The following TMEM236 variants were observed in gnomAD, a reference collection of about 807,000 sequenced individuals.
TMEM236 encodes the protein transmembrane protein 236, also known as family with sequence similarity 23, member A.
A neutral mutation model predicts 14.7 loss-of-function variants in TMEM236; 11 were observed. The ratio of observed to expected loss-of-function variants is 0.75; its 90% CI spans 0.47 to 1.24. TMEM236 has a LOEUF of 1.24. Among genes scored for constraint, TMEM236 ranks in the 50% most tolerant of loss-of-function variants. TMEM236 has a pLI of 0.00. For missense variants in TMEM236, 464 were observed against 427.3 expected (o/e 1.09, Z -0.76); for synonymous variants, 182 against 168.6 (o/e 1.08, Z -0.62).
At position 17,798,512 on chromosome 10, in the gene TMEM236, C is replaced by A; in HGVS notation, c.*2008C>A. On this transcript the variant is annotated 3_prime_UTR_variant, in exon 4 of 4. Coordinates refer to ENST00000377495, the MANE Select transcript of TMEM236 (RefSeq NM_001098844.3). ...TATGATCATGCCACTGCACTCCAGA[C>A]TGGGCAACAGAGTGACACCCATCTA... is the stretch of plus-strand genomic sequence containing the variant. The A allele has an allele frequency of 3.8e-6, 2 of 530,622 alleles. No homozygotes were observed. The highest frequency in any genetic ancestry group is 2.8e-5 in the South Asian group (2 of 70,876). 32.9% of individuals were successfully genotyped at this position (530,622 alleles called of 1,614,324 possible). A position where few individuals can be genotyped will look rare whatever the true frequency, so the allele number is the denominator to read the frequency against.
At position 17,796,752 on chromosome 10, in the gene TMEM236, TTTAG is replaced by T. The variant is rs1224848239; in HGVS notation, c.*256_*259del. The T allele has an allele frequency of 3.9e-6, 2 of 508,214 alleles. No individual in the cohort carries two copies. The highest frequency in any genetic ancestry group is 6.8e-5 in the Admixed American group (2 of 29,394). The allele number at this position is 508,214 out of a possible 1,614,324, so 31.5% of individuals were successfully genotyped here. A position where few individuals can be genotyped will look rare whatever the true frequency, so the allele number is the denominator to read the frequency against. Reference sequence around the variant, plus strand: ...TTTCTAGAAAATGTTAGCAGCTAATTTTAGTTAGTTATGTATACTGAGGTCCCCA... The same window carrying T: ...TTTCTAGAAAATGTTAGCAGCTAATTTTAGTTATGTATACTGAGGTCCCCA... On this transcript the variant is annotated 3_prime_UTR_variant, in exon 4 of 4. Transcript: ENST00000377495.
At position 17,796,423 on chromosome 10, in the gene TMEM236, C is replaced by G; in HGVS notation, c.975C>G (p.Ile325Met). 1 of 1,613,822 alleles carries G rather than the reference C, an allele frequency of 6.2e-7. No homozygotes were observed. The highest frequency in any genetic ancestry group is 8.5e-7 in the Non-Finnish European group (1 of 1,179,848). ...CCGTACTGGGCCTGTGTAAAAATATCCTCGTGACTCTCTCTTACATTTACT... is the reference window on the plus strand; with the variant it reads ...CCGTACTGGGCCTGTGTAAAAATATGCTCGTGACTCTCTCTTACATTTACT... ...ITPVLGLCKN[I>M]LVTLSYIYFN... The change falls in exon 4 of 4, where the codon ATC becomes ATG. Residue 325 changes from isoleucine (I) to methionine (M), a missense_variant. By Grantham distance (10) the Ile-to-Met change is conservative (BLOSUM62 1). Coordinates refer to ENST00000377495, the MANE Select transcript of TMEM236 (RefSeq NM_001098844.3).
intron 3 of TMEM236, among the ~76,000 whole-genome samples, chr10:17,783,746 A>G (rs1296271365): frequency 1.3e-5 from 2 of 152,192 alleles, no homozygotes; most frequent in Non-Finnish European, 2.9e-5. Flanking sequence ...TAACCTTACA[A>G]CCTTGCAACA....
intron 3 of TMEM236, among the ~76,000 whole-genome samples, chr10:17,780,816 C>A (rs917586668): frequency 0.019 from 2,924 of 152,266 alleles, 84 homozygotes; most frequent in African/African-American, 0.067. Flanking sequence ...GCAGCTCTCT[C>A]TCTTTCGAGA....
chr10:17,788,607 A>AAAGTT (rs1196185961), intron 3 of TMEM236, among the ~76,000 whole-genome samples: 1 of 151,940 alleles, frequency 6.6e-6, no homozygotes, highest in African/African-American at 2.4e-5. Context: ...AAAGAAAAAA[A>AAAGTT]AAAAGTTAAA....
chr10:17,791,604 TC>T (rs1346862626), intron 3 of TMEM236, among the ~76,000 whole-genome samples: 3 of 152,174 alleles, frequency 2.0e-5, no homozygotes, highest in African/African-American at 7.2e-5. Context: ...CCTCTCTGCA[TC>T]CCCCACCTCT....
chr10:17,771,412 G>A (rs1290444208), intron 2 of TMEM236, 31 bp downstream of exon 2: 1 of 1,592,822 alleles, frequency 6.3e-7, no homozygotes, highest in Non-Finnish European at 8.6e-7. Flanking sequence ...TCTGCTACAA[G>A]ATTATGAGAT....
At chr10:17,783,948 CT>C (rs1229256462) in intron 3 of TMEM236, among the ~76,000 whole-genome samples, 12 of 150,748 alleles carry the variant, frequency 8.0e-5, no homozygotes, top group African/African-American at 1.9e-4. Context: ...CTTCTACTTC[CT>C]TTTTTTTTCC....
intron 1 of TMEM236, among the ~76,000 whole-genome samples, chr10:17,758,051 AAGCCACCAGGTGC>A (rs1256438315): frequency 2.0e-5 from 3 of 152,134 alleles, no homozygotes; most frequent in Admixed American, 1.3e-4. Context: ...TTACAGGCGT[AAGCCACCAGGTGC>A]AGCCAGAAAA....
chr10:17,768,959 C>G (rs1297662188), intron 1 of TMEM236, among the ~76,000 whole-genome samples: 1 of 152,056 alleles, frequency 6.6e-6, no homozygotes, highest in South Asian at 2.1e-4. Context: ...GGGTACAGTT[C>G]GGTGGCATTA....
chr10:17,792,448 T>C (rs1326169531), intron 3 of TMEM236, among the ~76,000 whole-genome samples: 1 of 152,256 alleles, frequency 6.6e-6, no homozygotes, highest in Non-Finnish European at 1.5e-5. Context: ...ATGAACACTC[T>C]AGAAAATGCC....
In TMEM236 at chr10:17,798,155, A is replaced by G; in HGVS notation, c.*1651A>G. On this transcript the variant is annotated 3_prime_UTR_variant, in exon 4 of 4. Transcript: ENST00000377495. ...AGATTTGTGAGAGGCTGATAATGCA[A>G]GAGTAATGATTTATGTAGCCAGTTT... is the stretch of plus-strand genomic sequence containing the variant. 5.1e-6 allele frequency: 1 copy of G among 195,080 alleles called. No homozygotes were observed. The highest frequency in any genetic ancestry group is 1.1e-5 in the Non-Finnish European group (1 of 94,368). 12.1% of individuals were successfully genotyped at this position (195,080 alleles called of 1,614,324 possible).
intron 3 of TMEM236, among the ~76,000 whole-genome samples, chr10:17,795,599 C>G (rs1367330480): frequency 6.6e-6 from 1 of 152,088 alleles, no homozygotes; most frequent in Non-Finnish European, 1.5e-5. Context: ...TCTTGAAATT[C>G]CATGGGTAAA....
At chr10:17,769,722 G>A (rs1371100581) in intron 1 of TMEM236, among the ~76,000 whole-genome samples, 1 of 152,116 alleles carries the variant, frequency 6.6e-6, no homozygotes, top group Non-Finnish European at 1.5e-5. Context: ...ATGAGAGAGG[G>A]GTAATCTCAT....
chr10:17,767,212 C>T (rs2131745991), intron 1 of TMEM236, among the ~76,000 whole-genome samples: 1 of 152,264 alleles, frequency 6.6e-6, no homozygotes, highest in South Asian at 2.1e-4. Context: ...CCTGTAATCC[C>T]AGCACTTTGG....
chr10:17,752,221 A>G lies in TMEM236; in HGVS notation c.-75A>G. On this transcript the variant is annotated 5_prime_UTR_variant, in exon 1 of 4. Coordinates refer to ENST00000377495, the MANE Select transcript of TMEM236 (RefSeq NM_001098844.3). Reference sequence around the variant, plus strand: ...AGGACAAGGAACTTGATCCCAGTTCAGTGTCTGTGGGTCCATATGCTGCCC... The same window carrying G: ...AGGACAAGGAACTTGATCCCAGTTCGGTGTCTGTGGGTCCATATGCTGCCC... 3 of 1,611,972 alleles carry G rather than the reference A, an allele frequency of 1.9e-6. No individual in the cohort carries two copies. The highest frequency in any genetic ancestry group is 1.7e-6 in the Non-Finnish European group (2 of 1,178,478).
chr10:17,773,462 C>A (rs1837607611), intron 2 of TMEM236, among the ~76,000 whole-genome samples: 1 of 152,110 alleles, frequency 6.6e-6, no homozygotes, highest in African/African-American at 2.4e-5. Context: ...CTCAGGCTCC[C>A]CATCAGCTGG....
chr10:17,787,638 C>T (rs1026046565), intron 3 of TMEM236, among the ~76,000 whole-genome samples: 5 of 152,148 alleles, frequency 3.3e-5, no homozygotes, highest in Admixed American at 1.3e-4. Context: ...TTCAGCAAAT[C>T]TTTATGGTGG....
At chr10:17,753,683 A>G (rs1837242010) in intron 1 of TMEM236, among the ~76,000 whole-genome samples, 1 of 152,164 alleles carries the variant, frequency 6.6e-6, no homozygotes, top group Non-Finnish European at 1.5e-5. Flanking sequence ...TGTCTTTGCC[A>G]TTGTGAATAG....
Sources: allele counts gnomAD v4.1 joint callset (sites outside exome capture counted in the v4.1 genomes callset), GRCh38; gene constraint gnomAD v4.1.1; transcripts MANE v1.5; gene names NCBI Gene and HGNC (gene_info 2026-07-23, HGNC 2026-07-21).